HS3ST1: variants seen among roughly 807,000 people sequenced by gnomAD.
The protein encoded by HS3ST1 is heparan sulfate glucosamine 3-O-sulfotransferase 1.
Under a neutral mutation model 20.7 loss-of-function variants are expected in HS3ST1, and 8 were observed. The ratio of observed to expected loss-of-function variants is 0.39; its 90% CI spans 0.23 to 0.70. HS3ST1 has a LOEUF of 0.70. Ranked by LOEUF, HS3ST1 falls within the 30% of genes least tolerant of loss-of-function variation. The pLI is 0.46. For missense variants in HS3ST1, 436 were observed against 423.4 expected (o/e 1.03, Z -0.26); for synonymous variants, 205 against 190.4 (o/e 1.08, Z -0.63).
intron 1 of HS3ST1, among the ~76,000 whole-genome samples, chr4:11,404,476 G>C (rs1184145140): frequency 6.6e-6 from 1 of 152,084 alleles, no homozygotes; most frequent in South Asian, 2.1e-4. Context: ...AATTGAGTTA[G>C]AGAGCACAGA....
At chr4:11,405,016 C>G (rs1718427366) in intron 1 of HS3ST1, among the ~76,000 whole-genome samples, 1 of 152,240 alleles carries the variant, frequency 6.6e-6, no homozygotes, top group African/African-American at 2.4e-5. Flanking sequence ...TTCACTGTCA[C>G]TTTCACTTTT....
intron 1 of HS3ST1, among the ~76,000 whole-genome samples, chr4:11,405,292 G>A (rs1426407041): frequency 6.6e-6 from 1 of 152,192 alleles, no homozygotes; most frequent in African/African-American, 2.4e-5. Flanking sequence ...TGAGTTTCAT[G>A]AATTGAAAAG....
chr4:11,418,577 G>T (rs1252821594), intron 1 of HS3ST1, among the ~76,000 whole-genome samples: 2 of 152,210 alleles, frequency 1.3e-5, no homozygotes, highest in Non-Finnish European at 2.9e-5. Flanking sequence ...GGCGAATGGA[G>T]CTCTGGCCCC....
rs1424486058 is a variant in HS3ST1, at chr4:11,400,071, GCCT to G, written c.-69_-67del. On this transcript the variant is annotated 5_prime_UTR_variant, in exon 2 of 2. Transcript: ENST00000002596. ...GGTCATGAAGTGCCGCAGCAGGGAA[GCCT>G]CCTAGTCAGTGGCACATGGGCGTTT... 2.8e-6 allele frequency: 4 copies of G among 1,436,630 alleles called. No individual in the cohort carries two copies. Among genetic ancestry groups the G allele is most frequent in the Non-Finnish European group, 3.6e-6 (4 of 1,099,246 alleles). The allele number at this position is 1,436,630 out of a possible 1,614,324, so 89.0% of individuals were successfully genotyped here.
In HS3ST1 at chr4:11,399,005, T is replaced by C. The variant is rs1325052659; in HGVS notation, c.*77A>G. The C allele has an allele frequency of 1.5e-6, 2 of 1,303,860 alleles. No homozygotes were observed. The highest frequency in any genetic ancestry group is 1.1e-6 in the Non-Finnish European group (1 of 946,018). The allele number at this position is 1,303,860 out of a possible 1,614,324, so 80.8% of individuals were successfully genotyped here. Reference sequence around the variant, plus strand: ...ACAAATAAATTATACCTTAAATGCTTTTTTAAAATTCTTTTTCCCCTCAGA... The same window carrying C: ...ACAAATAAATTATACCTTAAATGCTCTTTTAAAATTCTTTTTCCCCTCAGA... On this transcript the variant is annotated 3_prime_UTR_variant, in exon 2 of 2. Transcript: ENST00000002596. This position sits in a 1 kb window ranked among gnomAD's most constrained non-coding sequence, Gnocchi z 5.1.
At chr4:11,412,528 G>A (rs1211896779) in intron 1 of HS3ST1, among the ~76,000 whole-genome samples, 3 of 152,140 alleles carry the variant, frequency 2.0e-5, no homozygotes, top group East Asian at 3.9e-4. Context: ...ACATTTTATA[G>A]GTTAAAAGTA....
At chr4:11,410,046 G>GA (rs1718576598) in intron 1 of HS3ST1, among the ~76,000 whole-genome samples, 1 of 152,064 alleles carries the variant, frequency 6.6e-6, no homozygotes, top group Admixed American at 6.5e-5. Context: ...TGAAGAAAAG[G>GA]AAAAAATAAA....
chr4:11,421,606 A>G (rs1363012953), intron 1 of HS3ST1, among the ~76,000 whole-genome samples: 1 of 152,254 alleles, frequency 6.6e-6, no homozygotes, highest in East Asian at 1.9e-4. Context: ...AGACATTTAC[A>G]TAAAACAACC....
intron 1 of HS3ST1, among the ~76,000 whole-genome samples, chr4:11,411,734 G>A (rs1380010068): frequency 6.6e-6 from 1 of 152,140 alleles, no homozygotes; most frequent in African/African-American, 2.4e-5. Context: ...GATGCAAAAT[G>A]ATTTACATTT....
chr4:11,422,093 G>A (rs1196660457), intron 1 of HS3ST1, among the ~76,000 whole-genome samples: 3 of 152,224 alleles, frequency 2.0e-5, no homozygotes, highest in Admixed American at 2.0e-4. Context: ...CAAAGCGCTT[G>A]TATTAATATG....
At chr4:11,418,986 G>A (rs987820094) in intron 1 of HS3ST1, among the ~76,000 whole-genome samples, 1 of 152,122 alleles carries the variant, frequency 6.6e-6, no homozygotes, top group African/African-American at 2.4e-5. Flanking sequence ...GGCAGGGAGA[G>A]GGAGTGGCAT....
At chr4:11,429,655 T>TTTTTTTTTTTTTG (rs1719166090), upstream of HS3ST1, 1 of 137,834 alleles carries the variant, frequency 7.3e-6, no homozygotes, top group Admixed American at 7.3e-5. Context: ...TTTTTTTTTT[T>TTTTTTTTTTTTTG]TTTTTTTTTT....
At chr4:11,420,344 A>G (rs937448408) in intron 1 of HS3ST1, among the ~76,000 whole-genome samples, 2 of 152,242 alleles carry the variant, frequency 1.3e-5, no homozygotes, top group South Asian at 2.1e-4. Context: ...CAGTCGCAGG[A>G]GAGATCTCAG....
rs1257133821 is a variant in HS3ST1 at position 11,397,318 on chromosome 4, A to C, written c.*1764T>G. 6.6e-6 allele frequency: 1 copy of C among 152,468 alleles called. No individual in the cohort carries two copies. The highest frequency in any genetic ancestry group is 1.5e-5 in the Non-Finnish European group (1 of 68,228). 9.4% of individuals were successfully genotyped at this position (152,468 alleles called of 1,614,324 possible). A position where few individuals can be genotyped will look rare whatever the true frequency, so the allele number is the denominator to read the frequency against. Reference sequence around the variant, plus strand: ...CTCTGTTCATGATATGGGGTGGGGCATAGGCCATGCTAAGGTCAGGTCAGG... The same window carrying C: ...CTCTGTTCATGATATGGGGTGGGGCCTAGGCCATGCTAAGGTCAGGTCAGG... On this transcript the variant is annotated 3_prime_UTR_variant, in exon 2 of 2. Transcript: ENST00000002596.
intron 1 of HS3ST1, among the ~76,000 whole-genome samples, chr4:11,414,433 C>T (rs750575410): frequency 6.6e-6 from 1 of 152,068 alleles, no homozygotes; most frequent in Non-Finnish European, 1.5e-5. Context: ...GAAGCTATGC[C>T]TAGAGGTCCT....
rs896827726 is a variant in HS3ST1, at chr4:11,399,013, A to G, written c.*69T>C. On this transcript the variant is annotated 3_prime_UTR_variant, in exon 2 of 2. Transcript: ENST00000002596. The surrounding 1 kb of genome is among the most constrained non-coding windows in gnomAD (Gnocchi z 5.1). Reference sequence around the variant, plus strand: ...ATTATACCTTAAATGCTTTTTTAAAATTCTTTTTCCCCTCAGATGTACACC... The same window carrying G: ...ATTATACCTTAAATGCTTTTTTAAAGTTCTTTTTCCCCTCAGATGTACACC... The G allele has an allele frequency of 8.8e-5, 119 of 1,355,230 alleles. 3 individuals are homozygous for G. In the South Asian group the frequency reaches 1.4e-3, roughly 16 times the overall value. The allele number at this position is 1,355,230 out of a possible 1,614,324, so 84.0% of individuals were successfully genotyped here. A position where few individuals can be genotyped will look rare whatever the true frequency, so the allele number is the denominator to read the frequency against.
intron 1 of HS3ST1, among the ~76,000 whole-genome samples, chr4:11,401,281 C>T (rs1718315962): frequency 6.6e-6 from 1 of 151,632 alleles, no homozygotes; most frequent in Non-Finnish European, 1.5e-5. Flanking sequence ...TGGTCTCATA[C>T]TATATTCAGC....
intron 1 of HS3ST1, among the ~76,000 whole-genome samples, chr4:11,401,831 G>T (rs1023793082): frequency 6.6e-6 from 1 of 152,202 alleles, no homozygotes; most frequent in African/African-American, 2.4e-5. Flanking sequence ...AAGGACACAG[G>T]AACTGCTGGC....
At chr4:11,425,870 T>G (rs1719047099) in intron 1 of HS3ST1, among the ~76,000 whole-genome samples, 1 of 152,106 alleles carries the variant, frequency 6.6e-6, no homozygotes, top group Non-Finnish European at 1.5e-5. Flanking sequence ...GCTAGCACTC[T>G]CCTGCCTTCT....
Sources: gnomAD v4.1 joint callset for allele counts (sites outside exome capture counted in the v4.1 genomes callset) on GRCh38, gnomAD v4.1.1 for gene constraint, Gnocchi (gnomAD v3.1) non-coding constraint, MANE v1.5 for transcripts, NCBI Gene and HGNC (gene_info 2026-07-23, HGNC 2026-07-21) for gene names.